PAK3: variants seen among roughly 807,000 people sequenced by gnomAD.
PAK3 encodes p21 (RAC1) activated kinase 3.
PAK3 carries 4 observed loss-of-function variants against 41.0 expected under a neutral mutation model. The observed-to-expected ratio is 0.10, with a 90% CI of 0.05 to 0.22. The LOEUF is 0.22. PAK3 is among the 10% of genes least tolerant of loss of function. The pLI is 1.00. For synonymous variants in PAK3, 146 were observed against 139.6 expected (o/e 1.05, Z -0.32); for missense variants, 205 against 409.9 (o/e 0.50, Z 4.32).
chrX:111,190,835 T>C (rs755984393), intron 11 of PAK3, among the ~76,000 whole-genome samples: 1 of 112,369 alleles, frequency 8.9e-6, no homozygotes, highest in Non-Finnish European at 1.9e-5. Context: ...CAAAGCAATG[T>C]TGGAGTATTA....
chrX:111,147,389 A>G (rs753686062), intron 6 of PAK3, among the ~76,000 whole-genome samples: 1 of 111,025 alleles, frequency 9.0e-6, no homozygotes, highest in Non-Finnish European at 1.9e-5. Context: ...AAGTCTTGCT[A>G]TGTCTGCCCT....
At chrX:111,063,315 A>G (rs1355646652) in intron 1 of PAK3, among the ~76,000 whole-genome samples, 8 of 112,327 alleles carry the variant, frequency 7.1e-5, no homozygotes, top group African/African-American at 2.6e-4. Flanking sequence ...TGATTGAAGA[A>G]GATTTGTATA....
intron 1 of PAK3, among the ~76,000 whole-genome samples, chrX:111,070,163 G>T (rs2092731468): frequency 9.0e-6 from 1 of 111,600 alleles, no homozygotes; most frequent in African/African-American, 3.3e-5. Context: ...CAGACCTTCA[G>T]CTGTGATTCC....
intron 10 of PAK3, 50 bp from the exon 11 acceptor site, chrX:111,172,968 C>G (rs776185606): frequency 7.2e-5 from 48 of 666,749 alleles, no homozygotes; most frequent in Admixed American, 6.0e-4. Context: ...CTCTCTCTCT[C>G]TCTCTCTTCC....
intron 1 of PAK3, among the ~76,000 whole-genome samples, chrX:111,046,268 GTGT>G (rs745893801): frequency 3.0e-4 from 34 of 111,715 alleles, no homozygotes; most frequent in East Asian, 1.7e-3. Context: ...GGCTGAATTT[GTGT>G]TGTTGTTGTT....
chrX:110,974,947 G>A (rs886358273), intron 1 of PAK3, among the ~76,000 whole-genome samples: 7 of 111,825 alleles, frequency 6.3e-5, no homozygotes, highest in Non-Finnish European at 3.8e-5. Context: ...ACTAGGTATT[G>A]ATGGAACAAA....
chrX:111,178,653 G>A (rs1467031600), intron 11 of PAK3, among the ~76,000 whole-genome samples: 1 of 110,684 alleles, frequency 9.0e-6, no homozygotes, highest in East Asian at 2.8e-4. Flanking sequence ...AATATAATAA[G>A]TATTGTGAAG....
At chrX:111,200,715 G>C (rs1015663678) in intron 16 of PAK3, among the ~76,000 whole-genome samples, 1 of 112,037 alleles carries the variant, frequency 8.9e-6, no homozygotes, top group Non-Finnish European at 1.9e-5. Flanking sequence ...AGTCTTTGGA[G>C]TTTGGAGGCA....
chrX:111,133,198 C>T (rs1474325355), intron 5 of PAK3, among the ~76,000 whole-genome samples: 4 of 111,801 alleles, frequency 3.6e-5, no homozygotes, highest in African/African-American at 1.3e-4. Context: ...ATTTCCAAGG[C>T]TACACCCTAC....
At chrX:111,011,786 A>T (rs1219708237) in intron 1 of PAK3, among the ~76,000 whole-genome samples, 1 of 111,609 alleles carries the variant, frequency 9.0e-6, no homozygotes. Flanking sequence ...TCCATAGGGG[A>T]TTTTGCTGTT....
chrX:111,071,136 T>C (rs895398108), intron 1 of PAK3, among the ~76,000 whole-genome samples: 2 of 112,204 alleles, frequency 1.8e-5, no homozygotes, highest in African/African-American at 6.5e-5. Flanking sequence ...GGTATTGGAC[T>C]CTAGAATTTG....
intron 1 of PAK3, among the ~76,000 whole-genome samples, chrX:111,051,240 C>T (rs780084691): frequency 9.0e-6 from 1 of 111,686 alleles, no homozygotes; most frequent in Non-Finnish European, 1.9e-5. Context: ...CTCTGTATCC[C>T]CAGGGTCTAG....
chrX:111,141,287 A>G (rs1390198007), intron 5 of PAK3, among the ~76,000 whole-genome samples: 2 of 111,998 alleles, frequency 1.8e-5, no homozygotes, highest in Non-Finnish European at 3.8e-5. Flanking sequence ...AGCTACTGAT[A>G]CATTTATTTA....
intron 1 of PAK3, among the ~76,000 whole-genome samples, chrX:111,047,054 T>C (rs2092506348): frequency 8.9e-6 from 1 of 112,083 alleles, no homozygotes; most frequent in Non-Finnish European, 1.9e-5. Flanking sequence ...GCCTCTGAGG[T>C]AAATGCCATA....
chrX:111,018,242 C>A (rs1178968701), intron 1 of PAK3, among the ~76,000 whole-genome samples: 6 of 110,093 alleles, frequency 5.4e-5, no homozygotes, highest in African/African-American at 2.0e-4. Context: ...AGACAGACAG[C>A]AATTAGGCAA....
At chrX:111,021,299 A>G (rs1386883843) in intron 1 of PAK3, among the ~76,000 whole-genome samples, 1 of 111,796 alleles carries the variant, frequency 8.9e-6, no homozygotes, top group Admixed American at 9.4e-5. Context: ...CTCCCCTGCT[A>G]CCTCCACCAG....
At chrX:110,967,381 G>A (rs1027910358) in intron 1 of PAK3, among the ~76,000 whole-genome samples, 2 of 111,452 alleles carry the variant, frequency 1.8e-5, no homozygotes, top group African/African-American at 6.5e-5. Flanking sequence ...TGTTGGAGAC[G>A]GGTAAAAAGA....
At chrX:111,103,870 G>C (rs111252975) in intron 4 of PAK3, among the ~76,000 whole-genome samples, 2,095 of 111,452 alleles carry the variant, frequency 0.019, 55 homozygotes, top group African/African-American at 0.065. Flanking sequence ...CCTCCACCAG[G>C]TCTCCAACAG....
At position 111,013,297 on chromosome X, in the gene PAK3, G is replaced by T. The variant is rs188850029; in HGVS notation, c.-28+68669G>T. Among the ~76,000 whole-genome samples the T allele has an allele frequency of 1.3e-4, 15 of 112,111 alleles. No individual in the cohort carries two copies. In the South Asian group the frequency reaches 2.6e-3, roughly 19 times the overall value. ...TTAGGCCTGGAGAGGTAAATGACTT[G>T]TCAAAAGTCACATACATAATTAGCA... On this transcript the variant is annotated intron_variant, in intron 1 of 14. Transcript: ENST00000425146.
Sources: allele counts gnomAD v4.1 joint callset (sites outside exome capture counted in the v4.1 genomes callset), GRCh38; gene constraint gnomAD v4.1.1; transcripts MANE v1.5; gene names NCBI Gene and HGNC (gene_info 2026-07-23, HGNC 2026-07-21).